Variants in SPAG16 observed in about 807,000 individuals in gnomAD.
SPAG16 encodes the protein sperm associated antigen 16, also known as sperm-associated antigen 16 protein.
SPAG16 carries 86 observed loss-of-function variants against 80.4 expected under a neutral mutation model. The observed-to-expected ratio is 1.07, with a 90% CI of 0.90 to 1.28. SPAG16 has a LOEUF of 1.28. Among genes scored for constraint, SPAG16 ranks in the 50% most tolerant of loss-of-function variants. The pLI is 0.00. For synonymous variants in SPAG16, 294 were observed against 265.9 expected (o/e 1.11, Z -1.03); for missense variants, 870 against 765.3 (o/e 1.14, Z -1.61).
At chr2:213,993,208 G>T (rs187282003) in intron 12 of SPAG16, among the ~76,000 whole-genome samples, 1 of 152,124 alleles carries the variant, frequency 6.6e-6, no homozygotes, top group Admixed American at 6.6e-5. Flanking sequence ...TATAGAGAAG[G>T]TATATTTGTT....
At chr2:214,042,982 T>A (rs1208980264) in intron 13 of SPAG16, among the ~76,000 whole-genome samples, 1 of 152,122 alleles carries the variant, frequency 6.6e-6, no homozygotes, top group Non-Finnish European at 1.5e-5. Context: ...AATTTTCAAA[T>A]CAGACTTATA....
chr2:213,295,642 C>T (rs2062468586), intron 1 of SPAG16, among the ~76,000 whole-genome samples: 2 of 151,986 alleles, frequency 1.3e-5, no homozygotes, highest in African/African-American at 4.8e-5. Context: ...TATTCATGTA[C>T]TGTGAATAGT....
chr2:213,934,018 G>A (rs1054234566), intron 12 of SPAG16, among the ~76,000 whole-genome samples: 2 of 152,152 alleles, frequency 1.3e-5, no homozygotes, highest in Non-Finnish European at 2.9e-5. Flanking sequence ...CAGAAGGAAG[G>A]CAGAGACCAT....
chr2:214,003,028 T>C (rs2046865952), intron 12 of SPAG16, among the ~76,000 whole-genome samples: 1 of 152,172 alleles, frequency 6.6e-6, no homozygotes, highest in Admixed American at 6.6e-5. Flanking sequence ...CCTCGATATG[T>C]AGCATTTGAC....
intron 10 of SPAG16, among the ~76,000 whole-genome samples, chr2:213,846,210 G>A (rs2074616150): frequency 6.6e-6 from 1 of 152,102 alleles, no homozygotes; most frequent in South Asian, 2.1e-4. Flanking sequence ...GGGAAAAAGA[G>A]TTTACCATTG....
At chr2:213,415,639 TG>T (rs1261265166) in intron 9 of SPAG16, among the ~76,000 whole-genome samples, 3 of 152,306 alleles carry the variant, frequency 2.0e-5, no homozygotes, top group Admixed American at 6.5e-5. Flanking sequence ...AATCTTCAGA[TG>T]TTTTTGGCTG....
intron 15 of SPAG16, among the ~76,000 whole-genome samples, chr2:214,293,542 C>A (rs72946119): frequency 1.3e-5 from 2 of 152,086 alleles, no homozygotes; most frequent in Non-Finnish European, 2.9e-5. Flanking sequence ...TCAGGCACTA[C>A]GTATGATAGG....
intron 15 of SPAG16, among the ~76,000 whole-genome samples, chr2:214,225,117 C>T (rs1203820870): frequency 4.6e-5 from 7 of 152,088 alleles, no homozygotes; most frequent in South Asian, 4.1e-4. Flanking sequence ...AAGTGCTCCC[C>T]GCTGTTCAAG....
At position 213,562,178 on chromosome 2, in the gene SPAG16, T is replaced by G. The variant is rs143761374; in HGVS notation, c.1070+72088T>G. Reference sequence around the variant, plus strand: ...TTTTACCATTGTCTTTCAGAATTCATAGTTGCTAATATGAACAAATGCTGA... The same window carrying G: ...TTTTACCATTGTCTTTCAGAATTCAGAGTTGCTAATATGAACAAATGCTGA... On this transcript the variant is annotated intron_variant, in intron 10 of 15. Transcript: ENST00000331683. Among the ~76,000 whole-genome samples the G allele has an allele frequency of 7.3e-4, 111 of 152,344 alleles. 2 individuals carry two copies. The highest frequency in any genetic ancestry group is 3.4e-3 in the Middle Eastern group (1 of 294).
At chr2:213,881,816 C>A (rs1198733449) in intron 11 of SPAG16, among the ~76,000 whole-genome samples, 1 of 152,174 alleles carries the variant, frequency 6.6e-6, no homozygotes, top group Admixed American at 6.5e-5. Flanking sequence ...GACACAAAGC[C>A]TAACTATATC....
chr2:214,108,194 A>G lies in SPAG16; in HGVS notation c.1528-2A>G, dbSNP rs774342086. On this transcript the variant is annotated splice_acceptor_variant, in intron 13 of 15. Transcript: ENST00000331683. LOFTEE classifies it high-confidence loss of function. ...GACTCTGTTTCTGCTTTGTCTTCCT[A>G]GGGTATATGTGAGCAGTCACTTTAT... 1 of 1,559,782 alleles carries G rather than the reference A, an allele frequency of 6.4e-7. No homozygotes were observed. The highest frequency in any genetic ancestry group is 1.4e-5 in the African/African-American group (1 of 74,046).
At chr2:213,581,411 G>T (rs180953505) in intron 10 of SPAG16, among the ~76,000 whole-genome samples, 3 of 152,086 alleles carry the variant, frequency 2.0e-5, no homozygotes, top group Admixed American at 1.3e-4. Context: ...TAGAGACAGG[G>T]TCTTGCTATA....
chr2:214,183,518 G>T (rs559674966), intron 15 of SPAG16, among the ~76,000 whole-genome samples: 81 of 152,100 alleles, frequency 5.3e-4, no homozygotes, highest in African/African-American at 1.8e-3. Flanking sequence ...TCAGGAAAAG[G>T]AGTGAAGTGG....
chr2:213,391,378 C>G (rs570682448), intron 9 of SPAG16, among the ~76,000 whole-genome samples: 14 of 152,044 alleles, frequency 9.2e-5, no homozygotes, highest in African/African-American at 3.4e-4. Context: ...TTTTGTTTAC[C>G]TTAGCATCTG....
intron 10 of SPAG16, among the ~76,000 whole-genome samples, chr2:213,836,550 T>C (rs1205653983): frequency 6.6e-6 from 1 of 152,160 alleles, no homozygotes; most frequent in African/African-American, 2.4e-5. Context: ...AATTTTTCTT[T>C]GCCTTTTAGC....
chr2:214,362,698 G>T (rs1161751592), intron 15 of SPAG16, among the ~76,000 whole-genome samples: 1 of 151,694 alleles, frequency 6.6e-6, no homozygotes, highest in Non-Finnish European at 1.5e-5. Context: ...AGTTCCTCTT[G>T]AAATTGCAAT....
At chr2:213,891,902 C>G (rs914175873) in intron 11 of SPAG16, among the ~76,000 whole-genome samples, 1 of 152,106 alleles carries the variant, frequency 6.6e-6, no homozygotes, top group Non-Finnish European at 1.5e-5. Context: ...AACCATCTTC[C>G]CCATCATATT....
chr2:213,289,562 A>G (rs1201332164), intron 1 of SPAG16, among the ~76,000 whole-genome samples: 2 of 152,192 alleles, frequency 1.3e-5, no homozygotes, highest in African/African-American at 2.4e-5. Flanking sequence ...CATGCCAGCT[A>G]CCTTCCATTT....
chr2:213,776,221 C>A (rs992989509), intron 10 of SPAG16, among the ~76,000 whole-genome samples: 40 of 152,120 alleles, frequency 2.6e-4, no homozygotes, highest in African/African-American at 8.9e-4. Context: ...TTGGTGGACC[C>A]AGTCTAATCA....
Sources: allele counts gnomAD v4.1 joint callset (sites outside exome capture counted in the v4.1 genomes callset), GRCh38; gene constraint gnomAD v4.1.1; transcripts MANE v1.5; gene names NCBI Gene and HGNC (gene_info 2026-07-23, HGNC 2026-07-21).